Variants in RAB3C observed in about 807,000 individuals in gnomAD.
RAB3C encodes the protein ras-related protein Rab-3C.
A neutral mutation model predicts 26.4 loss-of-function variants in RAB3C; 17 were observed. The ratio of observed to expected loss-of-function variants is 0.64; its 90% confidence interval spans 0.44 to 0.97. RAB3C has a LOEUF of 0.97. Among genes scored for constraint, RAB3C ranks in the 50% least tolerant of loss-of-function variants. RAB3C has a pLI of 0.00. For synonymous variants in RAB3C, 91 were observed against 95.9 expected, an observed-to-expected ratio of 0.95 and a Z score of 0.30; for missense variants, 242 against 281.9, an observed-to-expected ratio of 0.86 and a Z score of 1.01.
intron 1 of RAB3C, among the ~76,000 whole-genome samples, chr5:58,616,859 C>G (rs1746835091): frequency 6.6e-6 from 1 of 152,114 alleles, no homozygotes; most frequent in Non-Finnish European, 1.5e-5. Flanking sequence ...GCGCATGCCT[C>G]CCTAGTCGTC....
At chr5:58,608,721 A>G (rs1746626596) in intron 1 of RAB3C, among the ~76,000 whole-genome samples, 1 of 152,218 alleles carries the variant, frequency 6.6e-6, no homozygotes, top group Non-Finnish European at 1.5e-5. Context: ...TCATGCTACT[A>G]TAAAGACACA....
chr5:58,841,133 G>A (rs973381965), intron 4 of RAB3C, among the ~76,000 whole-genome samples: 5 of 152,182 alleles, frequency 3.3e-5, no homozygotes, highest in African/African-American at 1.2e-4. Context: ...GCACTGCAGG[G>A]CTATTTCTCA....
intron 3 of RAB3C, among the ~76,000 whole-genome samples, chr5:58,803,686 G>A (rs1258591806): frequency 2.0e-5 from 3 of 152,142 alleles, no homozygotes; most frequent in Non-Finnish European, 2.9e-5. Flanking sequence ...GACAGAAGAT[G>A]GCTAGGGGAT....
chr5:58,808,352 GAATA>G (rs1370526263), intron 3 of RAB3C, among the ~76,000 whole-genome samples: 2 of 151,860 alleles, frequency 1.3e-5, no homozygotes, highest in Non-Finnish European at 2.9e-5. Flanking sequence ...GTTGCAGAAA[GAATA>G]AATATTCTTT....
At chr5:58,766,702 A>G (rs564557348) in intron 3 of RAB3C, among the ~76,000 whole-genome samples, 2 of 152,262 alleles carry the variant, frequency 1.3e-5, no homozygotes, top group South Asian at 2.1e-4. Flanking sequence ...TGGGGTTCAG[A>G]GTCTGGTAGG....
At chr5:58,766,274 A>G (rs1024259068) in intron 3 of RAB3C, among the ~76,000 whole-genome samples, 3 of 151,924 alleles carry the variant, frequency 2.0e-5, no homozygotes, top group African/African-American at 7.3e-5. Flanking sequence ...GTGCCACCAC[A>G]TTCAGCTAAT....
At chr5:58,629,240 T>C (rs1166990075) in intron 2 of RAB3C, among the ~76,000 whole-genome samples, 2 of 152,112 alleles carry the variant, frequency 1.3e-5, no homozygotes, top group Non-Finnish European at 2.9e-5. Context: ...AACATTATTT[T>C]GGTTTTGGAA....
At chr5:58,833,555 G>A (rs536578961) in intron 4 of RAB3C, among the ~76,000 whole-genome samples, 2 of 152,252 alleles carry the variant, frequency 1.3e-5, no homozygotes, top group South Asian at 4.1e-4. Context: ...CAAGGAATTA[G>A]AGGCATAAAA....
intron 3 of RAB3C, among the ~76,000 whole-genome samples, chr5:58,806,325 T>G (rs1044963346): frequency 1.3e-5 from 2 of 152,228 alleles, no homozygotes; most frequent in Non-Finnish European, 2.9e-5. Context: ...TAAGTGCTGC[T>G]GAATAAATGG....
intron 3 of RAB3C, among the ~76,000 whole-genome samples, chr5:58,737,746 G>A (rs1479924739): frequency 1.3e-5 from 2 of 151,968 alleles, no homozygotes; most frequent in South Asian, 4.1e-4. Context: ...CTGAGAGCTG[G>A]AATAGTATCA....
chr5:58,794,141 A>G (rs1178053168), intron 3 of RAB3C: 3 of 152,182 alleles, frequency 2.0e-5, no homozygotes, highest in Non-Finnish European at 4.4e-5. Flanking sequence ...TTATACCAGC[A>G]AATGCAATGA....
At chr5:58,775,185 G>A (rs561449523) in intron 3 of RAB3C, among the ~76,000 whole-genome samples, 147 of 152,164 alleles carry the variant, frequency 9.7e-4, no homozygotes, top group African/African-American at 3.5e-3. Context: ...TTCACTCATC[G>A]CCTCCATACT....
chr5:58,615,257 C>G (rs1210977746), intron 1 of RAB3C, among the ~76,000 whole-genome samples: 3 of 152,114 alleles, frequency 2.0e-5, no homozygotes, highest in Non-Finnish European at 2.9e-5. Context: ...AGTAAGCTAT[C>G]AGGCCAAGTA....
chr5:58,778,042 AT>A (rs1274460634), intron 3 of RAB3C, among the ~76,000 whole-genome samples: 3 of 152,050 alleles, frequency 2.0e-5, no homozygotes, highest in African/African-American at 4.8e-5. Context: ...TGCTCATTTG[AT>A]GTTTGATGAA....
chr5:58,594,584 G>A (rs939090178), intron 1 of RAB3C, among the ~76,000 whole-genome samples: 4 of 152,080 alleles, frequency 2.6e-5, no homozygotes, highest in Non-Finnish European at 5.9e-5. Flanking sequence ...AATACACCAA[G>A]TTTTTCACAG....
intron 4 of RAB3C, among the ~76,000 whole-genome samples, chr5:58,833,148 G>A (rs981474169): frequency 6.6e-6 from 1 of 151,962 alleles, no homozygotes; most frequent in Admixed American, 6.6e-5. Flanking sequence ...AACAACATAT[G>A]TTTGGAGACC....
chr5:58,608,878 A>G lies in RAB3C; in HGVS notation c.25-8765A>G, dbSNP rs899228392. 3.3e-5 allele frequency among the ~76,000 whole-genome samples: 5 copies of G among 152,052 alleles called. No homozygotes were observed. The East Asian group carries it at 9.7e-4, about 29-fold the overall frequency. ...CAGCCATAAAAAAGGATGAGTTCAT[A>G]TCCTTTGTAGGGACATGGATGAAGC... On this transcript the variant is annotated intron_variant, in intron 1 of 4. Transcript: ENST00000282878.
intron 2 of RAB3C, among the ~76,000 whole-genome samples, chr5:58,623,155 A>T (rs1561270132): frequency 6.6e-6 from 1 of 152,244 alleles, no homozygotes; most frequent in Non-Finnish European, 1.5e-5. Flanking sequence ...GCACAGAAGG[A>T]GGGACTGGAA....
chr5:58,818,055 C>T (rs1743254459), intron 3 of RAB3C, among the ~76,000 whole-genome samples: 1 of 152,146 alleles, frequency 6.6e-6, no homozygotes, highest in Admixed American at 6.5e-5. Flanking sequence ...CTCTCTGATA[C>T]CTCATATTCC....
Sources: gnomAD v4.1 joint callset for allele counts (sites outside exome capture counted in the v4.1 genomes callset) on GRCh38, gnomAD v4.1.1 for gene constraint, MANE v1.5 for transcripts, NCBI Gene and HGNC (gene_info 2026-07-23, HGNC 2026-07-21) for gene names.